Variants in FER observed in about 807,000 individuals in gnomAD.
The protein encoded by FER is FER tyrosine kinase.
In FER, 63 loss-of-function variants were observed where a neutral mutation model predicts 111.0. The observed-to-expected ratio is 0.57, with a 90% confidence interval of 0.46 to 0.70. FER has a LOEUF of 0.70. FER is among the 30% of genes least tolerant of loss of function. The pLI, the probability that FER is intolerant of heterozygous loss-of-function variation, is 0.00. For missense variants in FER, 914 were observed against 954.0 expected (o/e 0.96, Z 0.55); for synonymous variants, 327 against 313.9 (o/e 1.04, Z -0.44).
chr5:109,069,610 T>C (rs1195302731), intron 16 of FER, among the ~76,000 whole-genome samples: 1 of 152,176 alleles, frequency 6.6e-6, no homozygotes, highest in South Asian at 2.1e-4. Flanking sequence ...GAAATGACTG[T>C]GGTATGAAGA....
At chr5:108,905,296 A>G (rs1750597846) in intron 10 of FER, among the ~76,000 whole-genome samples, 1 of 152,172 alleles carries the variant, frequency 6.6e-6, no homozygotes, top group South Asian at 2.1e-4. Flanking sequence ...GCCAAAATGA[A>G]GTAAATAAAA....
intron 1 of FER, among the ~76,000 whole-genome samples, chr5:108,750,708 C>T (rs192637274): frequency 3.9e-5 from 6 of 152,352 alleles, no homozygotes; most frequent in Non-Finnish European, 8.8e-5. Context: ...GTAGATGTTA[C>T]TGTAACTCTG....
chr5:109,078,982 G>C (rs1013553414), intron 16 of FER, among the ~76,000 whole-genome samples: 4 of 152,066 alleles, frequency 2.6e-5, no homozygotes, highest in Non-Finnish European at 5.9e-5. Flanking sequence ...ACTTCTATTT[G>C]TTCTCGTGTA....
At chr5:109,173,874 T>C (rs1226054718) in intron 17 of FER, among the ~76,000 whole-genome samples, 1 of 151,802 alleles carries the variant, frequency 6.6e-6, no homozygotes, top group Non-Finnish European at 1.5e-5. Context: ...TAAGCAGTCA[T>C]TTGCTCTCAC....
chr5:108,779,138 ACT>A (rs1753787223), intron 2 of FER, among the ~76,000 whole-genome samples: 1 of 150,234 alleles, frequency 6.7e-6, no homozygotes, highest in South Asian at 2.1e-4. Context: ...CTATTTGTAT[ACT>A]CTCTATTCTG....
At chr5:109,091,556 G>A (rs531365550) in intron 16 of FER, among the ~76,000 whole-genome samples, 5 of 152,122 alleles carry the variant, frequency 3.3e-5, no homozygotes, top group Non-Finnish European at 7.4e-5. Flanking sequence ...GCAGTCAGGG[G>A]CTCAGTGCTA....
At chr5:108,866,956 C>T (rs920245168) in intron 5 of FER, among the ~76,000 whole-genome samples, 1 of 152,186 alleles carries the variant, frequency 6.6e-6, no homozygotes, top group African/African-American at 2.4e-5. Context: ...CAGTATCTCT[C>T]AGACTTCTTC....
At chr5:108,869,820 A>T (rs1340058891) in intron 6 of FER, among the ~76,000 whole-genome samples, 1 of 152,020 alleles carries the variant, frequency 6.6e-6, no homozygotes. Flanking sequence ...ACTTCTCTTT[A>T]TGTGAAAATA....
intron 5 of FER, among the ~76,000 whole-genome samples, chr5:108,864,966 G>A (rs1300148135): frequency 3.4e-5 from 5 of 148,108 alleles, no homozygotes; most frequent in Non-Finnish European, 6.0e-5. Context: ...CCATTTTCAC[G>A]ATATTGATTC....
intron 16 of FER, among the ~76,000 whole-genome samples, chr5:109,061,368 AT>A (rs1348042889): frequency 6.6e-6 from 1 of 152,166 alleles, no homozygotes; most frequent in Non-Finnish European, 1.5e-5. Context: ...TTTACATAAT[AT>A]TTTACAGTTG....
chr5:109,148,187 A>T (rs1754446917), intron 17 of FER, among the ~76,000 whole-genome samples: 1 of 152,216 alleles, frequency 6.6e-6, no homozygotes, highest in Non-Finnish European at 1.5e-5. Context: ...AATAATTAAG[A>T]ATGGGAATTA....
At chr5:108,983,075 A>T (rs978696048) in intron 13 of FER, among the ~76,000 whole-genome samples, 1 of 152,080 alleles carries the variant, frequency 6.6e-6, no homozygotes, top group Non-Finnish European at 1.5e-5. Flanking sequence ...AGCACCTAGT[A>T]TGTATTCAGT....
chr5:109,088,291 T>C (rs2150036741), intron 16 of FER, among the ~76,000 whole-genome samples: 1 of 152,228 alleles, frequency 6.6e-6, no homozygotes, highest in African/African-American at 2.4e-5. Flanking sequence ...GACCAGGCAG[T>C]AAGTTGCTAA....
At chr5:109,010,186 GAC>G (rs1766058922) in intron 13 of FER, among the ~76,000 whole-genome samples, 1 of 151,138 alleles carries the variant, frequency 6.6e-6, no homozygotes, top group African/African-American at 2.4e-5. Context: ...TTTTTTTTGA[GAC>G]AGCCTGTCGC....
intron 13 of FER, among the ~76,000 whole-genome samples, chr5:109,010,926 A>G (rs1382546194): frequency 9.2e-5 from 14 of 152,220 alleles, no homozygotes; most frequent in African/African-American, 2.7e-4. Flanking sequence ...TAAAAAAGTG[A>G]AATGAGTTTA....
chr5:109,169,178 A>G (rs997107577), intron 17 of FER, among the ~76,000 whole-genome samples: 1 of 152,162 alleles, frequency 6.6e-6, no homozygotes, highest in Non-Finnish European at 1.5e-5. Context: ...ATTTTTAAAA[A>G]CCTTTATCTT....
chr5:108,757,338 A>C (rs865981326), intron 1 of FER, among the ~76,000 whole-genome samples: 1 of 152,166 alleles, frequency 6.6e-6, no homozygotes, highest in African/African-American at 2.4e-5. Flanking sequence ...AGATTGTCCT[A>C]AACTATAACT....
intron 16 of FER, among the ~76,000 whole-genome samples, chr5:109,053,937 C>T (rs1176398029): frequency 2.6e-5 from 4 of 152,084 alleles, no homozygotes; most frequent in Non-Finnish European, 5.9e-5. Flanking sequence ...GTGATCCGCC[C>T]GCCTCGGCCT....
intron 13 of FER, among the ~76,000 whole-genome samples, chr5:108,965,753 A>G (rs996184299): frequency 6.6e-6 from 1 of 152,198 alleles, no homozygotes; most frequent in Non-Finnish European, 1.5e-5. Context: ...AATTTTTTCT[A>G]TACTCCAATA....
Sources: gnomAD v4.1 joint callset for allele counts (sites outside exome capture counted in the v4.1 genomes callset) on GRCh38, gnomAD v4.1.1 for gene constraint, MANE v1.5 for transcripts, NCBI Gene and HGNC (gene_info 2026-07-23, HGNC 2026-07-21) for gene names.